The following CDKN2B-AS1 variants were observed in gnomAD, a reference collection of about 807,000 sequenced individuals.
CDKN2B-AS1 encodes CDKN2B and CDKN2A antisense cis and trans regulatory RNA 1.
Position 22,006,382 on chromosome 9 carries a change from C to T in CDKN2B-AS1, n.29+11221C>T, listed in dbSNP as rs922772940. 3.7e-5 allele frequency: 44 copies of T among 1,200,714 alleles called. No homozygotes were observed. In the South Asian group the frequency reaches 5.6e-4, roughly 15 times the overall value. The allele number at this position is 1,200,714 out of a possible 1,614,324, so 74.4% of individuals were successfully genotyped here. A position where few individuals can be genotyped will look rare whatever the true frequency, so the allele number is the denominator to read the frequency against. ...TCACCCAGTGCAGAGGTGTTCAGGT[C>T]TCTGATGTCTGGTGTTTCTTCATTT... On this transcript the variant is annotated intron_variant and non_coding_transcript_variant, in intron 1 of 4. Coordinates refer to ENST00000650946, the Ensembl canonical transcript of CDKN2B-AS1. This position sits in a 1 kb window ranked among gnomAD's most constrained non-coding sequence, Gnocchi z 6.4.
intron 4 of CDKN2B-AS1, among the ~76,000 whole-genome samples, chr9:22,062,517 G>C (rs904575982): frequency 2.6e-5 from 4 of 152,156 alleles, no homozygotes; most frequent in Non-Finnish European, 5.9e-5. Flanking sequence ...GCTGTGGGCT[G>C]TGTCACTTGT....
chr9:22,078,664 A>C (rs181561438), intron 4 of CDKN2B-AS1, among the ~76,000 whole-genome samples: 100 of 152,346 alleles, frequency 6.6e-4, no homozygotes, highest in Admixed American at 2.2e-3. Context: ...TTACATTTCT[A>C]GTAAGTTTCT....
At chr9:22,070,367 G>GT (rs1351988482) in intron 4 of CDKN2B-AS1, among the ~76,000 whole-genome samples, 1 of 152,136 alleles carries the variant, frequency 6.6e-6, no homozygotes, top group Non-Finnish European at 1.5e-5. Flanking sequence ...TAATAAAATA[G>GT]TTTTTTCCCT....
intron 1 of CDKN2B-AS1, among the ~76,000 whole-genome samples, chr9:22,022,362 A>G (rs1294318743): frequency 6.6e-6 from 1 of 151,502 alleles, no homozygotes; most frequent in Non-Finnish European, 1.5e-5. Flanking sequence ...TATATTTAGG[A>G]TAGTTAGATT....
chr9:22,037,198 C>T lies in CDKN2B-AS1; in HGVS notation n.30-9553C>T, dbSNP rs76148617. On this transcript the variant is annotated intron_variant and non_coding_transcript_variant, in intron 1 of 4. Coordinates refer to ENST00000650946, the Ensembl canonical transcript of CDKN2B-AS1. ...AAATCATACATAAACTAGCAATTCTCATTTGGATTCCTGTATCTGAACAAC... is the reference window on the plus strand; with the variant it reads ...AAATCATACATAAACTAGCAATTCTTATTTGGATTCCTGTATCTGAACAAC... Among the ~76,000 whole-genome samples the T allele has an allele frequency of 3.2e-3, 481 of 152,206 alleles. 5 individuals are homozygous for T. The highest frequency in any genetic ancestry group is 0.011 in the African/African-American group (449 of 41,542).
chr9:22,004,140 C>G (rs530550051), intron 1 of CDKN2B-AS1: 1 of 232,398 alleles, frequency 4.3e-6, no homozygotes, highest in African/African-American at 2.2e-5. Context: ...ATACCTGGTA[C>G]AGATTATGTG....
At chr9:22,015,223 C>G (rs575217299) in intron 1 of CDKN2B-AS1, among the ~76,000 whole-genome samples, 2 of 152,276 alleles carry the variant, frequency 1.3e-5, no homozygotes, top group African/African-American at 4.8e-5. Flanking sequence ...TACAGTCCCA[C>G]CAACAGTGTA....
At chr9:22,052,568 A>T (rs1437486327) in intron 3 of CDKN2B-AS1, among the ~76,000 whole-genome samples, 2 of 152,166 alleles carry the variant, frequency 1.3e-5, no homozygotes, top group Non-Finnish European at 2.9e-5. Flanking sequence ...GCCCATGTGG[A>T]CATCAATACT....
intron 4 of CDKN2B-AS1, among the ~76,000 whole-genome samples, chr9:22,114,918 T>A (rs73441209): frequency 0.011 from 1,721 of 152,332 alleles, 36 homozygotes; most frequent in African/African-American, 0.04. Flanking sequence ...TTTATCATAC[T>A]TTATTTTAAA....
At chr9:22,067,293 C>G (rs562145177) in intron 4 of CDKN2B-AS1, among the ~76,000 whole-genome samples, 89 of 152,244 alleles carry the variant, frequency 5.8e-4, no homozygotes, top group African/African-American at 2.0e-3. Flanking sequence ...AAGAGCAGAT[C>G]AGAATGTTGT....
chr9:22,045,767 C>G (rs954593700), intron 1 of CDKN2B-AS1, among the ~76,000 whole-genome samples: 2 of 152,074 alleles, frequency 1.3e-5, no homozygotes, highest in African/African-American at 4.8e-5. Flanking sequence ...ATAGACTTAG[C>G]AGTATGCTAT....
intron 2 of CDKN2B-AS1, among the ~76,000 whole-genome samples, chr9:22,047,343 C>T (rs1469646772): frequency 1.3e-5 from 2 of 152,136 alleles, no homozygotes; most frequent in Non-Finnish European, 2.9e-5. Flanking sequence ...TCACAAGTTT[C>T]AGAGGGAAAG....
intron 4 of CDKN2B-AS1, chr9:22,112,383 A>G (rs991729942): frequency 1.3e-5 from 2 of 152,320 alleles, no homozygotes; most frequent in Non-Finnish European, 2.9e-5. Context: ...ACGTTCTACA[A>G]CATCCACCAC....
rs551689864 is a variant in CDKN2B-AS1 at position 22,006,258 on chromosome 9, G to A, written n.29+11097G>A. 1 of 1,602,964 alleles carries A rather than the reference G, an allele frequency of 6.2e-7. No homozygotes were observed. The highest frequency in any genetic ancestry group is 1.1e-5 in the South Asian group (1 of 91,072). On this transcript the variant is annotated intron_variant and non_coding_transcript_variant, in intron 1 of 4. Coordinates refer to ENST00000650946, the Ensembl canonical transcript of CDKN2B-AS1. The surrounding 1 kb of genome is among the most constrained non-coding windows in gnomAD (Gnocchi z 6.4). ...GCCCATCATCATGACCTGCCAGAGA[G>A]AGCAGAGTGGTCAGAGCCAGGGTGG...
At chr9:22,095,660 G>A (rs1217922590) in intron 4 of CDKN2B-AS1, among the ~76,000 whole-genome samples, 10 of 148,194 alleles carry the variant, frequency 6.7e-5, no homozygotes, top group South Asian at 2.1e-4. Context: ...TTTCTGTCTC[G>A]TTGATCTGTC....
At position 22,005,440 on chromosome 9, in the gene CDKN2B-AS1, C is replaced by T. The variant is rs1821126223; in HGVS notation, n.29+10279C>T. 4.0e-6 allele frequency: 1 copy of T among 249,500 alleles called. No individual in the cohort carries two copies. Among genetic ancestry groups the T allele is most frequent in the Non-Finnish European group, 7.8e-6 (1 of 127,870 alleles). 15.5% of individuals were successfully genotyped at this position (249,500 alleles called of 1,614,324 possible). ...CCATGCGCTCAAACTAAAGCGCCGCCGGGGACTTACTGAAGCCCACCTCGG... is the reference window on the plus strand; with the variant it reads ...CCATGCGCTCAAACTAAAGCGCCGCTGGGGACTTACTGAAGCCCACCTCGG... On this transcript the variant is annotated intron_variant and non_coding_transcript_variant, in intron 1 of 4. Transcript: ENST00000650946. This position sits in a 1 kb window ranked among gnomAD's most constrained non-coding sequence, Gnocchi z 4.9.
intron 1 of CDKN2B-AS1, among the ~76,000 whole-genome samples, chr9:22,008,079 C>T (rs1326261933): frequency 6.6e-6 from 1 of 152,144 alleles, no homozygotes; most frequent in African/African-American, 2.4e-5. Context: ...AGGATTCGTA[C>T]TTAAACATTG....
chr9:22,038,997 A>C (rs1822798621), intron 1 of CDKN2B-AS1, among the ~76,000 whole-genome samples: 1 of 151,972 alleles, frequency 6.6e-6, no homozygotes, highest in African/African-American at 2.4e-5. Flanking sequence ...GAAAATTTCC[A>C]GTTAGGACAT....
At chr9:22,098,130 A>G (rs1825347304) in intron 4 of CDKN2B-AS1, among the ~76,000 whole-genome samples, 1 of 151,560 alleles carries the variant, frequency 6.6e-6, no homozygotes, top group Non-Finnish European at 1.5e-5. Context: ...TTGATAATGT[A>G]GATGGAATAT....
Sources: gnomAD v4.1 joint callset for allele counts (sites outside exome capture counted in the v4.1 genomes callset) on GRCh38, gnomAD v4.1.1 for gene constraint, Gnocchi (gnomAD v3.1) non-coding constraint, MANE v1.5 for transcripts, NCBI Gene and HGNC (gene_info 2026-07-23, HGNC 2026-07-21) for gene names.